MUC4: variants seen among roughly 807,000 people sequenced by gnomAD.
MUC4 encodes mucin 4, cell surface associated.
A neutral mutation model predicts 257.9 loss-of-function variants in MUC4; 202 were observed. The ratio of observed to expected loss-of-function variants is 0.78; its 90% CI spans 0.70 to 0.88. The LOEUF is 0.88. Among genes scored for constraint, MUC4 ranks in the 40% least tolerant of loss-of-function variants. The pLI is 0.00. For missense variants in MUC4, 5,976 were observed against 6,513.7 expected (o/e 0.92, Z 2.84); for synonymous variants, 2,351 against 2,757.1 (o/e 0.85, Z 4.62).
At chr3:195,762,485 C>A (rs1719261840) in intron 13 of MUC4, among the ~76,000 whole-genome samples, 2 of 151,386 alleles carry the variant, frequency 1.3e-5, no homozygotes, top group South Asian at 4.2e-4. Flanking sequence ...CCGCCACGCA[C>A]CGGGCCCGGC....
In MUC4 at chr3:195,789,046, G is replaced by A; in HGVS notation, c.2534C>T (p.Thr845Ile). ...SRDSHTTQST[T>I]ELLSASASHG... ...ACTGGCTGAGGCGGACAGCAATTCGGTTGTTGACTGGGTTGTGTGACTGTC... is the reference window on the plus strand; with the variant it reads ...ACTGGCTGAGGCGGACAGCAATTCGATTGTTGACTGGGTTGTGTGACTGTC... The change falls in exon 2 of 25, where the codon ACC (threonine) becomes ATC (isoleucine). Residue 845 changes from threonine (T) to isoleucine (I), a missense_variant. By Grantham distance (89) the Thr-to-Ile change is moderately conservative. Transcript: ENST00000463781. 1 of 1,613,826 alleles carries A rather than the reference G, an allele frequency of 6.2e-7. No individual in the cohort carries two copies.
At chr3:195,778,268 C>G in intron 3 of MUC4, 35 bp downstream of exon 3, 1 of 1,554,952 alleles carries the variant, frequency 6.4e-7, no homozygotes, top group Non-Finnish European at 8.7e-7. Context: ...TACATCACCC[C>G]TCAAAAGGCA....
At chr3:195,759,910 A>G (rs1441027326) in intron 16 of MUC4, among the ~76,000 whole-genome samples, 1 of 34,026 alleles carries the variant, frequency 2.9e-5, no homozygotes, top group Non-Finnish European at 1.0e-4. Context: ...CAAGAGCGAA[A>G]CTCCGTCAAC....
chr3:195,794,173 T>C (rs1379859206), intron 1 of MUC4, among the ~76,000 whole-genome samples: 1 of 151,710 alleles, frequency 6.6e-6, no homozygotes, highest in Non-Finnish European at 1.5e-5. Context: ...TTGGCTTTTT[T>C]TGTTTAAAAT....
In MUC4 at chr3:195,790,765, G is replaced by A; in HGVS notation, c.815C>T (p.Ser272Phe). The A allele has an allele frequency of 1.2e-6, 2 of 1,614,018 alleles. No individual in the cohort carries two copies. Among genetic ancestry groups the A allele is most frequent in the Non-Finnish European group, 1.7e-6 (2 of 1,179,896 alleles). The change falls in exon 2 of 25, where the codon TCC (serine) becomes TTC (phenylalanine). Residue 272 changes from serine to phenylalanine, a missense_variant. Ser to Phe is a radical substitution (Grantham distance 155, BLOSUM62 -2). Coordinates refer to ENST00000463781, the MANE Select transcript of MUC4 (RefSeq NM_018406.7). ...TGTCTCCCCTGGGTTTCCAAGAGTGGAGCCTGTGGAGGTTGTCACTGTTAT... is the reference window on the plus strand; with the variant it reads ...TGTCTCCCCTGGGTTTCCAAGAGTGAAGCCTGTGGAGGTTGTCACTGTTAT... The part of the protein sequence containing the change: ...EKITVTTSTG[S>F]TLGNPGETSS...
At chr3:195,771,530 A>G (rs1722888162) in intron 5 of MUC4, 122 bp downstream of exon 5, 3 of 1,164,660 alleles carry the variant, frequency 2.6e-6, no homozygotes, top group Non-Finnish European at 2.4e-6. Flanking sequence ...CCCATATTTA[A>G]GCCTCAGTCC....
Position 195,766,711 on chromosome 3 carries a change from G to T in MUC4, c.13570C>A (p.Pro4524Thr), listed in dbSNP as rs1340354349. The change falls in exon 8 of 25, where the codon CCA becomes ACA. Residue 4524 changes from proline to threonine, a missense_variant. Physicochemically the swap from Pro to Thr is conservative, Grantham distance 38. Transcript: ENST00000463781. Reference protein sequence around the residue: ...YFENSPLMSQPVWERYRPDRF... With the variant: ...YFENSPLMSQTVWERYRPDRF... ...TCAGGGCGATACCTCTCCCACACTG[G>T]CTGGGACATCAGTGGGCTGTTTTCG... 1 of 1,614,054 alleles carries T rather than the reference G, an allele frequency of 6.2e-7. No individual in the cohort carries two copies. The highest frequency in any genetic ancestry group is 8.5e-7 in the Non-Finnish European group (1 of 1,180,024).
intron 7 of MUC4, among the ~76,000 whole-genome samples, chr3:195,767,484 C>T (rs1311375106): frequency 3.7e-4 from 55 of 148,424 alleles, no homozygotes; most frequent in Middle Eastern, 3.5e-3. Flanking sequence ...TCACCATCAC[C>T]ACCACCATCA....
intron 18 of MUC4, among the ~76,000 whole-genome samples, 178 bp from the exon 19 acceptor site, chr3:195,754,550 A>C (rs1274059309): frequency 6.6e-6 from 1 of 152,242 alleles, no homozygotes; most frequent in Non-Finnish European, 1.5e-5. Flanking sequence ...CCCTGCCTAA[A>C]GCCACACGGT....
In MUC4 at chr3:195,786,535, G is replaced by A. The variant is rs1245029551; in HGVS notation, c.5045C>T (p.Pro1682Leu). 4.6e-6 allele frequency: 7 copies of A among 1,522,410 alleles called. No homozygotes were observed. The highest frequency in any genetic ancestry group is 1.4e-5 in the African/African-American group (1 of 70,018). 94.3% of individuals were successfully genotyped at this position (1,522,410 alleles called of 1,614,324 possible). Residue 1682 changes from proline (P) to leucine (L), a missense_variant, in exon 2 of 25, where the codon CCT (proline) becomes CTT (leucine). This residue lies in a region of MUC4 where 61 missense variants were observed against 100.2 expected (regional missense o/e 0.61). Transcript: ENST00000463781. ...SASTGHATPLPVTGLSSATTD... is the reference protein window; with the variant it reads ...SASTGHATPLLVTGLSSATTD... ...GGTAGCTGAGGAAAGGCCGGTGACAGGAAGAGGGGTGGCGTGACCGGTGGA... is the reference window on the plus strand; with the variant it reads ...GGTAGCTGAGGAAAGGCCGGTGACAAGAAGAGGGGTGGCGTGACCGGTGGA...
intron 1 of MUC4, among the ~76,000 whole-genome samples, chr3:195,801,891 G>A (rs1735371563): frequency 6.6e-6 from 1 of 151,536 alleles, no homozygotes; most frequent in Non-Finnish European, 1.5e-5. Flanking sequence ...GACGGGTCCT[G>A]CTCCACCGTC....
rs757258298 is a variant in MUC4 at position 195,791,343 on chromosome 3, A to AGT, written c.235_236dup (p.Lys80LeufsTer18). 6.2e-7 allele frequency: 1 copy of AGT among 1,613,882 alleles called. No individual in the cohort carries two copies. The highest frequency in any genetic ancestry group is 8.5e-7 in the Non-Finnish European group (1 of 1,179,868). Reference sequence around the variant, plus strand: ...CTTTGCTGGTGGTCTCCGTGCTCTTAGTCTGGTGGTTCTGAGATGAAGCTG... The same window carrying AGT: ...CTTTGCTGGTGGTCTCCGTGCTCTTAGTGTCTGGTGGTTCTGAGATGAAGCTG... On this transcript the variant is annotated frameshift_variant, in exon 2 of 25. Transcript: ENST00000463781. LOFTEE classifies it high-confidence loss of function.
At chr3:195,758,835 C>T (rs1285980965) in intron 17 of MUC4, among the ~76,000 whole-genome samples, 5 of 151,556 alleles carry the variant, frequency 3.3e-5, no homozygotes, top group East Asian at 1.9e-4. Context: ...CCTCCCAAAG[C>T]GCTGGGATGA....
chr3:195,761,916 G>A (rs1400250054), intron 14 of MUC4, among the ~76,000 whole-genome samples, 171 bp downstream of exon 14: 1 of 152,158 alleles, frequency 6.6e-6, no homozygotes, highest in East Asian at 1.9e-4. Flanking sequence ...AGGGAGCCTC[G>A]GGGGAGGCTG....
At chr3:195,774,442 A>G (rs1363563247) in intron 3 of MUC4, 137 bp from the exon 4 acceptor site, 18 of 1,112,174 alleles carry the variant, frequency 1.6e-5, no homozygotes, top group Admixed American at 7.1e-5. Flanking sequence ...GCAGCCATCT[A>G]GGGTGCTTCT....
Position 195,778,368 on chromosome 3 carries a change from G to T in MUC4, c.12878C>A (p.Thr4293Asn), listed in dbSNP as rs145312279. 6.2e-7 allele frequency: 1 copy of T among 1,613,214 alleles called. No homozygotes were observed. The highest frequency in any genetic ancestry group is 8.5e-7 in the Non-Finnish European group (1 of 1,179,904). ...GGTGTGCATGGCAGTGCTGGGAATGGTGGAAATGATGGTCTGGGAGGTTGT... is the reference window on the plus strand; with the variant it reads ...GGTGTGCATGGCAGTGCTGGGAATGTTGGAAATGATGGTCTGGGAGGTTGT... ...PPTTSQTIIS[T>N]IPSTAMHTRS... is the part of the protein sequence containing the mutation. Residue 4293 changes from threonine to asparagine, a missense_variant, in exon 3 of 25, where the codon ACC (threonine) becomes AAC (asparagine). Thr to Asn is a moderately conservative substitution (Grantham distance 65, BLOSUM62 0). Transcript: ENST00000463781.
intron 23 of MUC4, chr3:195,750,440 T>C (rs1716169761): frequency 4.5e-6 from 1 of 220,138 alleles, no homozygotes; most frequent in Non-Finnish European, 8.9e-6. Flanking sequence ...AGGCCTGGCC[T>C]GGCCTGGGGA....
chr3:195,752,812 C>A (rs1257740698), intron 20 of MUC4, among the ~76,000 whole-genome samples: 1 of 152,222 alleles, frequency 6.6e-6, no homozygotes, highest in Non-Finnish European at 1.5e-5. Context: ...ACTGAGCCAG[C>A]TGTGAGGTCT....
chr3:195,760,856 A>G (rs1196679852), intron 16 of MUC4, 28 bp downstream of exon 16: 2 of 1,597,708 alleles, frequency 1.3e-6, no homozygotes, highest in Non-Finnish European at 1.7e-6. Context: ...GACTCTGAAA[A>G]GGCCTCCCCA....
Sources: gnomAD v4.1 joint callset for allele counts (sites outside exome capture counted in the v4.1 genomes callset) on GRCh38, gnomAD v4.1.1 for gene constraint, gnomAD v4.1.1 regional missense constraint, MANE v1.5 for transcripts, NCBI Gene and HGNC (gene_info 2026-07-23, HGNC 2026-07-21) for gene names.